LRRC4C: variants seen among roughly 807,000 people sequenced by gnomAD.
LRRC4C encodes the protein leucine rich repeat containing 4C.
LRRC4C carries 5 observed loss-of-function variants against 33.6 expected under a neutral mutation model. The observed-to-expected ratio is 0.15, with a 90% confidence interval of 0.08 to 0.31. The LOEUF (loss-of-function observed/expected upper bound fraction) is 0.31, where lower values mean the gene tolerates loss of function less well. Among genes scored for constraint, LRRC4C ranks in the 10% least tolerant of loss-of-function variants. LRRC4C has a pLI of 1.00. For synonymous variants in LRRC4C, 329 were observed against 302.0 expected (o/e 1.09, Z -0.93); for missense variants, 560 against 796.7 (o/e 0.70, Z 3.58).
At chr11:40,315,617 A>T (rs1445444086) in intron 4 of LRRC4C, among the ~76,000 whole-genome samples, 1 of 151,930 alleles carries the variant, frequency 6.6e-6, no homozygotes, top group Non-Finnish European at 1.5e-5. Context: ...TATATAACAC[A>T]GTCTATTTTT....
chr11:41,180,104 G>A (rs529547535), intron 1 of LRRC4C, among the ~76,000 whole-genome samples: 1 of 152,278 alleles, frequency 6.6e-6, no homozygotes, highest in Admixed American at 6.5e-5. Context: ...TTAGGCAAAG[G>A]GAGAGTGTGA....
intron 2 of LRRC4C, among the ~76,000 whole-genome samples, chr11:40,814,352 C>G (rs1951619231): frequency 6.6e-6 from 1 of 152,140 alleles, no homozygotes; most frequent in South Asian, 2.1e-4. Context: ...TGTACCTTGG[C>G]TCCTTTTAGC....
rs181854736 is a variant in LRRC4C, at chr11:41,044,751, C to T, written c.-495-111028G>A. ...TGGAGAAAACTGTCTTCAAAAATCC[C>T]CTCCCTGAAATTAGTCACATAATAC... On this transcript the variant is annotated intron_variant, in intron 1 of 6. Coordinates refer to ENST00000528697, the MANE Select transcript of LRRC4C (RefSeq NM_001258419.2). Among the ~76,000 whole-genome samples the T allele has an allele frequency of 1.6e-4, 25 of 152,182 alleles. No individual in the cohort carries two copies. In the East Asian group the frequency reaches 4.8e-3, roughly 29 times the overall value.
At chr11:40,859,740 T>G (rs1230250286) in intron 2 of LRRC4C, among the ~76,000 whole-genome samples, 1 of 152,142 alleles carries the variant, frequency 6.6e-6, no homozygotes. Flanking sequence ...TACAGTGCAA[T>G]ATTAGTCAAC....
At chr11:41,196,628 C>A (rs1215123820) in intron 1 of LRRC4C, among the ~76,000 whole-genome samples, 3 of 151,880 alleles carry the variant, frequency 2.0e-5, no homozygotes, top group Non-Finnish European at 4.4e-5. Context: ...ACATAAAATG[C>A]AAGAATGAAT....
chr11:41,094,046 T>C (rs374799221), intron 1 of LRRC4C, among the ~76,000 whole-genome samples: 8 of 150,008 alleles, frequency 5.3e-5, no homozygotes, highest in Admixed American at 2.0e-4. Context: ...GAGACGGAGG[T>C]TGCAGTGAGC....
intron 1 of LRRC4C, chr11:41,426,158 T>A (rs1201183406): frequency 2.0e-5 from 3 of 152,234 alleles, no homozygotes; most frequent in South Asian, 2.1e-4. Flanking sequence ...AAGCCAGCAC[T>A]ATGCAGAATC....
intron 4 of LRRC4C, among the ~76,000 whole-genome samples, chr11:40,310,124 C>T (rs945620924): frequency 1.1e-4 from 17 of 152,080 alleles, no homozygotes; most frequent in Non-Finnish European, 5.9e-5. Context: ...ACTTATTTCC[C>T]GCAGCCCTAT....
chr11:40,930,826 CAAATT>C (rs1199120576), intron 2 of LRRC4C, among the ~76,000 whole-genome samples: 4 of 152,154 alleles, frequency 2.6e-5, no homozygotes, highest in Non-Finnish European at 5.9e-5. Flanking sequence ...GGGGCCAAAA[CAAATT>C]AAATCCCCCA....
intron 3 of LRRC4C, among the ~76,000 whole-genome samples, chr11:40,443,230 C>G (rs1035879571): frequency 1.4e-4 from 21 of 152,072 alleles, no homozygotes; most frequent in Non-Finnish European, 2.6e-4. Flanking sequence ...TGTCCTGGCA[C>G]CATAGAAATT....
chr11:41,011,445 A>C (rs186625196), intron 1 of LRRC4C, among the ~76,000 whole-genome samples: 20 of 152,296 alleles, frequency 1.3e-4, no homozygotes, highest in Admixed American at 9.8e-4. Context: ...AATCCAATGA[A>C]AATTATTAAA....
intron 1 of LRRC4C, among the ~76,000 whole-genome samples, chr11:41,115,094 A>G (rs1455096368): frequency 6.6e-6 from 1 of 152,094 alleles, no homozygotes; most frequent in African/African-American, 2.4e-5. Context: ...TTTTTATAAT[A>G]AAAAGTTATA....
intron 2 of LRRC4C, among the ~76,000 whole-genome samples, chr11:40,887,501 T>C (rs1466546875): frequency 6.6e-6 from 1 of 152,040 alleles, no homozygotes; most frequent in African/African-American, 2.4e-5. Context: ...ACTAAGTATT[T>C]GAGGTACAGA....
intron 1 of LRRC4C, among the ~76,000 whole-genome samples, chr11:41,426,979 T>A (rs374389779): frequency 1.3e-5 from 2 of 152,314 alleles, no homozygotes; most frequent in African/African-American, 4.8e-5. Flanking sequence ...TCCCAGAACA[T>A]CAATTCTACT....
intron 1 of LRRC4C, among the ~76,000 whole-genome samples, chr11:41,274,668 C>T (rs1347404757): frequency 6.6e-6 from 1 of 152,076 alleles, no homozygotes; most frequent in South Asian, 2.1e-4. Context: ...AAGCTGGCCA[C>T]CCCAGCCAGC....
At chr11:40,721,981 A>G (rs953886258) in intron 2 of LRRC4C, among the ~76,000 whole-genome samples, 1 of 152,180 alleles carries the variant, frequency 6.6e-6, no homozygotes, top group Non-Finnish European at 1.5e-5. Flanking sequence ...TGAAACCATG[A>G]TAACATCACT....
intron 2 of LRRC4C, among the ~76,000 whole-genome samples, chr11:40,861,725 C>T (rs1954112354): frequency 6.6e-6 from 1 of 152,170 alleles, no homozygotes; most frequent in African/African-American, 2.4e-5. Context: ...TTCTCTGGTT[C>T]ATGGTTCTGC....
intron 2 of LRRC4C, among the ~76,000 whole-genome samples, chr11:40,705,319 T>C (rs557546488): frequency 6.6e-6 from 1 of 152,140 alleles, no homozygotes; most frequent in South Asian, 2.1e-4. Context: ...AACTCGTCAT[T>C]CACATTAGGT....
At chr11:40,601,025 T>C (rs1262617486) in intron 3 of LRRC4C, among the ~76,000 whole-genome samples, 3 of 152,198 alleles carry the variant, frequency 2.0e-5, no homozygotes, top group African/African-American at 7.2e-5. Flanking sequence ...TTTTAAGATG[T>C]TGCTTTCATT....
Sources: gnomAD v4.1 joint callset for allele counts (sites outside exome capture counted in the v4.1 genomes callset) on GRCh38, gnomAD v4.1.1 for gene constraint, MANE v1.5 for transcripts, NCBI Gene and HGNC (gene_info 2026-07-23, HGNC 2026-07-21) for gene names.